Variants in AGTRAP observed in about 807,000 individuals in gnomAD.
AGTRAP encodes the protein type-1 angiotensin II receptor-associated protein.
A neutral mutation model predicts 15.2 loss-of-function variants in AGTRAP; 7 were observed. The ratio of observed to expected loss-of-function variants is 0.46; its 90% confidence interval spans 0.26 to 0.87. AGTRAP has a LOEUF of 0.87. Ranked by LOEUF, AGTRAP falls within the 40% of genes least tolerant of loss-of-function variation. The pLI, the probability that AGTRAP is intolerant of heterozygous loss-of-function variation, is 0.15. For missense variants in AGTRAP, 187 were observed against 213.4 expected, an observed-to-expected ratio of 0.88 and a Z score of 0.77; for synonymous variants, 74 against 89.6, an observed-to-expected ratio of 0.83 and a Z score of 0.98.
chr1:11,748,745 C>T, intron 4 of AGTRAP, 135 bp downstream of exon 4: 1 of 1,066,172 alleles, frequency 9.4e-7, no homozygotes, highest in African/African-American at 1.6e-5. Flanking sequence ...GGCATGGGCG[C>T]TCTGTACTAG....
At chr1:11,737,023 G>A (rs746873026) in intron 1 of AGTRAP, among the ~76,000 whole-genome samples, 3 of 152,252 alleles carry the variant, frequency 2.0e-5, no homozygotes, top group Admixed American at 1.3e-4. Context: ...TTGGGTCTTA[G>A]TGCAGCCTCC....
intron 1 of AGTRAP, among the ~76,000 whole-genome samples, chr1:11,737,355 T>A (rs1641925348): frequency 6.6e-6 from 1 of 152,174 alleles, no homozygotes; most frequent in Admixed American, 6.5e-5. Context: ...TTGGTATCAA[T>A]ATGCACTCTA....
rs1475745727 is a variant in AGTRAP at position 11,748,420 on chromosome 1, G to A, written c.174G>A (p.Leu58=). Reference sequence around the variant, plus strand: ...CAGTGTGGTGTGTCTTGCAGTTTCTGGGTGGCTTGCTGGCCACCATCTTCC... The same window carrying A: ...CAGTGTGGTGTGTCTTGCAGTTTCTAGGTGGCTTGCTGGCCACCATCTTCC... ...RDSIDAISMF[L]GGLLATIFLD... is the part of the protein sequence containing the mutation. Residue 58 remains leucine, a synonymous_variant, in exon 4 of 5, where the codon CTG becomes CTA. Coordinates refer to ENST00000314340, the MANE Select transcript of AGTRAP (RefSeq NM_020350.5). The A allele has an allele frequency of 6.2e-7, 1 of 1,613,338 alleles. No homozygotes were observed. The highest frequency in any genetic ancestry group is 1.7e-5 in the Admixed American group (1 of 60,022).
intron 1 of AGTRAP, among the ~76,000 whole-genome samples, chr1:11,738,909 T>C: frequency 6.6e-6 from 1 of 152,168 alleles, no homozygotes; most frequent in East Asian, 1.9e-4. Context: ...TTCTGGGAAG[T>C]CCTACCCCGC....
intron 1 of AGTRAP, among the ~76,000 whole-genome samples, chr1:11,741,619 G>C (rs1328006118): frequency 6.6e-6 from 1 of 152,210 alleles, no homozygotes; most frequent in Non-Finnish European, 1.5e-5. Context: ...GGACAGCACA[G>C]CCTGGGTTTG....
intron 1 of AGTRAP, among the ~76,000 whole-genome samples, chr1:11,740,388 C>T (rs1251649568): frequency 2.0e-5 from 3 of 152,180 alleles, no homozygotes; most frequent in African/African-American, 7.2e-5. Context: ...GGCTTCTGGA[C>T]GTTTCTTTTC....
chr1:11,744,706 A>G, intron 1 of AGTRAP: 2 of 572,992 alleles, frequency 3.5e-6, no homozygotes, highest in Non-Finnish European at 6.3e-6. Flanking sequence ...GGGTTCTTGG[A>G]TCTCGCACAA....
At chr1:11,749,133 C>T (rs976598247) in intron 4 of AGTRAP, among the ~76,000 whole-genome samples, 1 of 152,218 alleles carries the variant, frequency 6.6e-6, no homozygotes, top group South Asian at 2.1e-4. Flanking sequence ...CCCTGCCCAC[C>T]GGCCCCTCCC....
Position 11,750,471 on chromosome 1 carries a change from A to G in AGTRAP, c.*279A>G. 1 of 593,948 alleles carries G rather than the reference A, an allele frequency of 1.7e-6. No individual in the cohort carries two copies. Among genetic ancestry groups the G allele is most frequent in the South Asian group, 2.0e-5 (1 of 48,984 alleles). The allele number at this position is 593,948 out of a possible 1,614,324, so 36.8% of individuals were successfully genotyped here. A position where few individuals can be genotyped will look rare whatever the true frequency, so the allele number is the denominator to read the frequency against. On this transcript the variant is annotated 3_prime_UTR_variant, in exon 5 of 5. Transcript: ENST00000314340. ...ACCTCCTACCCCATGGTGGCACCAC[A>G]GAGGCCCTCAGCCGAGTCCTGCCTG... is the stretch of plus-strand genomic sequence containing the variant.
intron 1 of AGTRAP, among the ~76,000 whole-genome samples, chr1:11,739,142 G>A (rs1034178784): frequency 6.6e-6 from 1 of 152,146 alleles, no homozygotes; most frequent in African/African-American, 2.4e-5. Context: ...ACCTTGAGTA[G>A]GTTTCTGAAC....
chr1:11,747,925 CA>C (rs1570347265), intron 3 of AGTRAP, among the ~76,000 whole-genome samples: 1 of 152,206 alleles, frequency 6.6e-6, no homozygotes, highest in South Asian at 2.1e-4. Context: ...GAGGGCATTT[CA>C]CTACTTTAGG....
In AGTRAP at chr1:11,748,425, G is replaced by A; in HGVS notation, c.179G>A (p.Gly60Asp). The A allele has an allele frequency of 6.2e-7, 1 of 1,613,454 alleles. No individual in the cohort carries two copies. Among genetic ancestry groups the A allele is most frequent in the Non-Finnish European group, 8.5e-7 (1 of 1,179,786 alleles). ...SIDAISMFLG[G>D]LLATIFLDIV... ...TGGTGTGTCTTGCAGTTTCTGGGTG[G>A]CTTGCTGGCCACCATCTTCCTGGAC... The change falls in exon 4 of 5, where the codon GGC becomes GAC. Residue 60 changes from glycine to aspartate, a missense_variant. Transcript: ENST00000314340.
chr1:11,736,657 A>G (rs911930503), intron 1 of AGTRAP, among the ~76,000 whole-genome samples: 1 of 152,242 alleles, frequency 6.6e-6, no homozygotes, highest in African/African-American at 2.4e-5. Flanking sequence ...GCACCGTTTC[A>G]GGAGCCTCCT....
In AGTRAP at chr1:11,750,549, C is replaced by A. The variant is rs1370375079; in HGVS notation, c.*357C>A. ...CTGCTGATGCCCCCTCAGGCCTCCC[C>A]CAAGTTTGCTGGGCTTTGGTGGAAG... On this transcript the variant is annotated 3_prime_UTR_variant, in exon 5 of 5. Transcript: ENST00000314340. 1 of 523,514 alleles carries A rather than the reference C, an allele frequency of 1.9e-6. No individual in the cohort carries two copies. The allele number at this position is 523,514 out of a possible 1,614,324, so 32.4% of individuals were successfully genotyped here.
rs774325451 is a variant in AGTRAP, at chr1:11,747,445, G to A, written c.68G>A (p.Cys23Tyr). Reference protein sequence around the residue: ...LGHWLLTTWGCIVFSGSYAWA... With the variant: ...LGHWLLTTWGYIVFSGSYAWA... ...TGAGCTACCTCTTCCTACAGGGGCT[G>A]CATTGTATTCTCAGGCTCCTATGCC... Residue 23 changes from cysteine (C) to tyrosine (Y), a missense_variant, in exon 3 of 5, where the codon TGC becomes TAC. Transcript: ENST00000314340. 6.2e-7 allele frequency: 1 copy of A among 1,613,978 alleles called. No homozygotes were observed. Among genetic ancestry groups the A allele is most frequent in the African/African-American group, 1.3e-5 (1 of 74,948 alleles).
intron 1 of AGTRAP, among the ~76,000 whole-genome samples, chr1:11,743,569 C>CT (rs1302181623): frequency 0.019 from 2,701 of 139,532 alleles, 86 homozygotes; most frequent in African/African-American, 0.065. Context: ...TCTTTCTTTC[C>CT]TTTTTTTTTT....
chr1:11,738,264 C>CCCAGCT, intron 1 of AGTRAP, among the ~76,000 whole-genome samples: 1 of 152,124 alleles, frequency 6.6e-6, no homozygotes. Flanking sequence ...CCTGCTTCTG[C>CCCAGCT]CCAGCTCAGC....
chr1:11,736,742 C>T (rs1043199226), intron 1 of AGTRAP, among the ~76,000 whole-genome samples: 11 of 152,248 alleles, frequency 7.2e-5, no homozygotes, highest in Non-Finnish European at 1.5e-4. Context: ...ATCCAGCGCC[C>T]TTATTTCATA....
intron 3 of AGTRAP, 32 bp downstream of exon 3, chr1:11,747,577 G>A (rs760025737): frequency 1.7e-5 from 28 of 1,604,622 alleles, no homozygotes; most frequent in Admixed American, 3.3e-5. Context: ...GCGGCAAGGC[G>A]GGGAGCCGCA....
Sources: allele counts gnomAD v4.1 joint callset (sites outside exome capture counted in the v4.1 genomes callset), GRCh38; gene constraint gnomAD v4.1.1; transcripts MANE v1.5; gene names NCBI Gene and HGNC (gene_info 2026-07-23, HGNC 2026-07-21).